The following KDSR variants were observed in gnomAD, a reference collection of about 807,000 sequenced individuals.
KDSR encodes the protein 3-ketodihydrosphingosine reductase, also known as 3-dehydrosphinganine reductase.
A neutral mutation model predicts 41.3 loss-of-function variants in KDSR; 23 were observed. The ratio of observed to expected loss-of-function variants is 0.56; its 90% confidence interval spans 0.40 to 0.79. The LOEUF is 0.79. Among genes scored for constraint, KDSR ranks in the 30% least tolerant of loss-of-function variants. The pLI is 0.00. For synonymous variants in KDSR, 138 were observed against 151.7 expected, an observed-to-expected ratio of 0.91 and a Z score of 0.66; for missense variants, 351 against 416.8, an observed-to-expected ratio of 0.84 and a Z score of 1.37.
At chr18:63,342,802 T>C (rs1322221341) in intron 7 of KDSR, among the ~76,000 whole-genome samples, 1 of 152,164 alleles carries the variant, frequency 6.6e-6, no homozygotes, top group Non-Finnish European at 1.5e-5. Context: ...GCTCAAACTA[T>C]CTGATATGGT....
rs1340000290 is a variant in KDSR at position 63,335,538 on chromosome 18, G to A, written c.778-180C>T. On this transcript the variant is annotated intron_variant, in intron 8 of 9. Coordinates refer to ENST00000645214, the MANE Select transcript of KDSR (RefSeq NM_002035.4). ...CTTGGCAGATGGCAGTTCTCAACAA[G>A]TGAGTCCACGGACCCCTGCGGGCCC... 5.3e-6 allele frequency: 3 copies of A among 568,248 alleles called. No homozygotes were observed. The African/African-American group carries it at 5.7e-5, about 11-fold the overall frequency. 35.2% of individuals were successfully genotyped at this position (568,248 alleles called of 1,614,324 possible).
intron 5 of KDSR, among the ~76,000 whole-genome samples, chr18:63,352,202 C>A (rs1405797071): frequency 2.6e-5 from 4 of 152,058 alleles, no homozygotes; most frequent in African/African-American, 9.7e-5. Flanking sequence ...AAACTAAATA[C>A]CTCAATTGTG....
In KDSR at chr18:63,331,318, CAGAG is replaced by C. The variant is rs1241848072; in HGVS notation, c.*460_*463del. ...ACAGAGAGACAGAGAGACAGAGAGA[CAGAG>C]AGACAGAGAGAGAGAGAGAGAGAAC... On this transcript the variant is annotated 3_prime_UTR_variant, in exon 10 of 10. Transcript: ENST00000645214. 4.6e-6 allele frequency: 1 copy of C among 218,126 alleles called. No individual in the cohort carries two copies. The highest frequency in any genetic ancestry group is 1.4e-3 in the Middle Eastern group (1 of 740). 13.5% of individuals were successfully genotyped at this position (218,126 alleles called of 1,614,324 possible). A position where few individuals can be genotyped will look rare whatever the true frequency, so the allele number is the denominator to read the frequency against.
chr18:63,344,338 C>A (rs982432306), intron 7 of KDSR, 72 bp downstream of exon 7: 8 of 1,053,624 alleles, frequency 7.6e-6, no homozygotes, highest in African/African-American at 1.6e-5. Flanking sequence ...CGAGTGTGAG[C>A]TGAAGAGTAG....
At chr18:63,332,309 C>T (rs1184800337) in intron 9 of KDSR, among the ~76,000 whole-genome samples, 3 of 152,170 alleles carry the variant, frequency 2.0e-5, no homozygotes, top group African/African-American at 7.2e-5. Flanking sequence ...TGGTGAGAGA[C>T]ACAGTCCCTG....
chr18:63,331,330 G>GAGAC lies in KDSR; in HGVS notation c.*451_*452insGTCT, dbSNP rs1490105071. ...AGAGACAGAGAGACAGAGAGACAGA[G>GAGAC]AGAGAGAGAGAGAGAACCCGAGAAA... On this transcript the variant is annotated 3_prime_UTR_variant, in exon 10 of 10. Transcript: ENST00000645214. 3.5e-5 allele frequency: 4 copies of GAGAC among 114,048 alleles called. No individual in the cohort carries two copies. Among genetic ancestry groups the GAGAC allele is most frequent in the African/African-American group, 1.6e-4 (4 of 24,326 alleles). 7.1% of individuals were successfully genotyped at this position (114,048 alleles called of 1,614,324 possible).
At chr18:63,356,360 T>C (rs1224801621) in intron 3 of KDSR, among the ~76,000 whole-genome samples, 1 of 151,636 alleles carries the variant, frequency 6.6e-6, no homozygotes. Context: ...GATCATGCCA[T>C]TGCACACCAG....
chr18:63,334,599 T>G (rs984692292), intron 9 of KDSR, among the ~76,000 whole-genome samples: 4 of 152,196 alleles, frequency 2.6e-5, no homozygotes, highest in Non-Finnish European at 5.9e-5. Context: ...TCTACCCACC[T>G]CAGCCTCTCA....
At chr18:63,342,275 AAAT>A (rs1186742818) in intron 7 of KDSR, among the ~76,000 whole-genome samples, 1 of 152,184 alleles carries the variant, frequency 6.6e-6, no homozygotes. Context: ...AATTGGTGGA[AAAT>A]ATTATAGCTC....
intron 7 of KDSR, among the ~76,000 whole-genome samples, chr18:63,343,584 T>C (rs1332744389): frequency 2.0e-5 from 3 of 151,690 alleles, no homozygotes; most frequent in Non-Finnish European, 4.4e-5. Flanking sequence ...AGACAGGGTT[T>C]TGTTATGTTG....
chr18:63,359,921 T>A (rs573231510), intron 2 of KDSR, 129 bp from the exon 3 acceptor site: 1 of 696,284 alleles, frequency 1.4e-6, no homozygotes, highest in Non-Finnish European at 2.6e-6. Context: ...CAAAACAGTA[T>A]CTACATTGCA....
chr18:63,363,219 CTTTTTTT>C (rs1185123481), intron 1 of KDSR, among the ~76,000 whole-genome samples: 1 of 111,458 alleles, frequency 9.0e-6, no homozygotes, highest in African/African-American at 3.3e-5. Flanking sequence ...TTTTTTTTTT[CTTTTTTT>C]TTTTTTTATT....
chr18:63,358,814 CAAAAAAAAA>C (rs10652370), intron 3 of KDSR, among the ~76,000 whole-genome samples: 1 of 62,652 alleles, frequency 1.6e-5, no homozygotes, highest in Non-Finnish European at 2.8e-5. Context: ...GACTCTGTCT[CAAAAAAAAA>C]AAAAAAAAAG....
intron 8 of KDSR, among the ~76,000 whole-genome samples, chr18:63,337,220 A>G (rs984045745): frequency 2.8e-4 from 42 of 151,142 alleles, no homozygotes; most frequent in Non-Finnish European, 5.2e-4. Flanking sequence ...GGTTCAAGCG[A>G]TTCTCCTGTC....
chr18:63,329,483 G>A lies in KDSR; in HGVS notation c.*2299C>T, dbSNP rs1467107811. ...AAAAACACAAACCAACTTAGATTTCGAAGTTTCTTTGCTAAGGGACTGTAG... is the reference window on the plus strand; with the variant it reads ...AAAAACACAAACCAACTTAGATTTCAAAGTTTCTTTGCTAAGGGACTGTAG... On this transcript the variant is annotated 3_prime_UTR_variant, in exon 10 of 10. Transcript: ENST00000645214. 2 of 204,308 alleles carry A rather than the reference G, an allele frequency of 9.8e-6. No individual in the cohort carries two copies. Among genetic ancestry groups the A allele is most frequent in the South Asian group, 1.9e-4 (1 of 5,298 alleles). The allele number at this position is 204,308 out of a possible 1,614,324, so 12.7% of individuals were successfully genotyped here. A position where few individuals can be genotyped will look rare whatever the true frequency, so the allele number is the denominator to read the frequency against.
intron 2 of KDSR, among the ~76,000 whole-genome samples, chr18:63,361,500 CTTTCTTGG>C (rs1237785481): frequency 6.6e-6 from 1 of 152,022 alleles, no homozygotes; most frequent in Non-Finnish European, 1.5e-5. Context: ...CTAATTTTGT[CTTTCTTGG>C]TTTGCAAAAG....
chr18:63,332,531 T>C (rs1914035148), intron 9 of KDSR, among the ~76,000 whole-genome samples: 1 of 152,064 alleles, frequency 6.6e-6, no homozygotes, highest in Non-Finnish European at 1.5e-5. Context: ...TCCCCGTGCA[T>C]AAGAGAATGG....
rs747370352 is a variant in KDSR, at chr18:63,367,092, G to A, written c.27C>T (p.Leu9=). Residue 9 remains leucine, a synonymous_variant, in exon 1 of 10, where the codon CTC becomes CTT. Coordinates refer to ENST00000645214, the MANE Select transcript of KDSR (RefSeq NM_002035.4). ...TGTACAGCAGCAGCACGAAGGCCAC[G>A]AGGAAGGCGGCAGCCAGCAGCAGCA... The part of the protein sequence containing the change: MLLLAAAF[L]VAFVLLLYMV... 54 of 1,335,464 alleles carry A rather than the reference G, an allele frequency of 4.0e-5. No homozygotes were observed. The highest frequency in any genetic ancestry group is 5.0e-5 in the Non-Finnish European group (52 of 1,039,054). The allele number at this position is 1,335,464 out of a possible 1,614,324, so 82.7% of individuals were successfully genotyped here.
In KDSR at chr18:63,355,231, A is replaced by G; in HGVS notation, c.390T>C (p.Phe130=). ...CAAAGGTACTAACTTCAAGATCTTC[A>G]AATTTTCCTGACACTGCCATTCCTG... The part of the protein sequence containing the change: ...NCAGMAVSGK[F]EDLEVSTFER... The change falls in exon 5 of 10, where the codon TTT becomes TTC. Residue 130 remains phenylalanine (F), a synonymous_variant. Transcript: ENST00000645214. The G allele has an allele frequency of 6.2e-7, 1 of 1,613,970 alleles. No homozygotes were observed. Among genetic ancestry groups the G allele is most frequent in the South Asian group, 1.1e-5 (1 of 91,080 alleles).
Sources: gnomAD v4.1 joint callset for allele counts (sites outside exome capture counted in the v4.1 genomes callset) on GRCh38, gnomAD v4.1.1 for gene constraint, MANE v1.5 for transcripts, NCBI Gene and HGNC (gene_info 2026-07-23, HGNC 2026-07-21) for gene names.